Variants in PHLPP2 observed in about 807,000 individuals in gnomAD.
The protein encoded by PHLPP2 is PH domain and leucine rich repeat protein phosphatase 2, also known as PH domain leucine-rich repeat-containing protein phosphatase 2.
A neutral mutation model predicts 124.9 loss-of-function variants in PHLPP2; 66 were observed. The observed-to-expected ratio is 0.53, with a 90% CI of 0.43 to 0.65. PHLPP2 has a LOEUF of 0.65. Ranked by LOEUF, PHLPP2 falls within the 30% of genes least tolerant of loss-of-function variation. The probability of loss-of-function intolerance (pLI) is 0.00; values close to 1 mark genes in which losing one functional copy is unlikely to be tolerated. For missense variants in PHLPP2, 1,685 were observed against 1,600.4 expected, an observed-to-expected ratio of 1.05 and a Z score of -0.90; for synonymous variants, 681 against 624.7, an observed-to-expected ratio of 1.09 and a Z score of -1.34.
chr16:71,650,118 G>T, intron 18 of PHLPP2, 74 bp from the exon 19 acceptor site: 3 of 1,106,244 alleles, frequency 2.7e-6, no homozygotes, highest in Non-Finnish European at 3.9e-6. Flanking sequence ...AGATCACAGT[G>T]CTTAGGGAAC....
intron 1 of PHLPP2, among the ~76,000 whole-genome samples, chr16:71,722,443 G>GA (rs1567633131): frequency 6.6e-6 from 1 of 151,548 alleles, no homozygotes; most frequent in South Asian, 2.1e-4. Context: ...TAAATAAAAA[G>GA]AAAAAAAACT....
chr16:71,656,529 C>T, intron 16 of PHLPP2, 42 bp downstream of exon 16: 2 of 1,159,302 alleles, frequency 1.7e-6, no homozygotes, highest in Non-Finnish European at 2.6e-6. Flanking sequence ...ATGCCAGGGG[C>T]TGCCTTTTTT....
intron 15 of PHLPP2, among the ~76,000 whole-genome samples, chr16:71,657,653 C>T (rs1441953628): frequency 6.6e-6 from 1 of 152,112 alleles, no homozygotes; most frequent in Non-Finnish European, 1.5e-5. Context: ...CTTGGCCTCC[C>T]AAAGTGCTGG....
At chr16:71,653,060 G>GT (rs1567611612) in intron 17 of PHLPP2, 39 bp from the exon 18 acceptor site, 1 of 1,088,536 alleles carries the variant, frequency 9.2e-7, no homozygotes, top group Admixed American at 1.8e-5. Flanking sequence ...GTGGTGGCTA[G>GT]TTTTAGAAGA....
intron 18 of PHLPP2, among the ~76,000 whole-genome samples, chr16:71,651,783 C>T (rs1294762265): frequency 6.6e-6 from 1 of 152,088 alleles, no homozygotes; most frequent in Non-Finnish European, 1.5e-5. Flanking sequence ...AGAGCAAAGA[C>T]CATACAAAGG....
At position 71,658,692 on chromosome 16, in the gene PHLPP2, G is replaced by C. The variant is rs548051373; in HGVS notation, c.2109C>G (p.Ile703Met). Residue 703 changes from isoleucine (I) to methionine (M), a missense_variant, in exon 14 of 19, where the codon ATC becomes ATG. Physicochemically the swap from Ile to Met is conservative, Grantham distance 10 (BLOSUM62 1). Coordinates refer to ENST00000568954, the MANE Select transcript of PHLPP2 (RefSeq NM_015020.3). ...ACTGCAGTATTTCTGGGAAAATGCTGATGTTGTTGGAGTGTGCAACAAGGG... is the reference window on the plus strand; with the variant it reads ...ACTGCAGTATTTCTGGGAAAATGCTCATGTTGTTGGAGTGTGCAACAAGGG... The part of the protein sequence containing the change: ...LHTLVAHSNN[I>M]SIFPEILQLP... The C allele has an allele frequency of 6.2e-7, 1 of 1,614,066 alleles. No homozygotes were observed. Among genetic ancestry groups the C allele is most frequent in the Non-Finnish European group, 8.5e-7 (1 of 1,180,050 alleles).
intron 4 of PHLPP2, among the ~76,000 whole-genome samples, chr16:71,689,758 TC>T (rs2045090573): frequency 6.6e-6 from 1 of 152,048 alleles, no homozygotes; most frequent in Non-Finnish European, 1.5e-5. Flanking sequence ...CAAGTGATCC[TC>T]CCACCTCAGC....
chr16:71,722,167 C>CA (rs1472520923), intron 1 of PHLPP2, among the ~76,000 whole-genome samples: 1 of 152,136 alleles, frequency 6.6e-6, no homozygotes, highest in African/African-American at 2.4e-5. Context: ...CGTGGTGGCT[C>CA]ATCCTTGTAA....
intron 1 of PHLPP2, 111 bp from the exon 2 acceptor site, chr16:71,714,912 G>A (rs2045351073): frequency 5.2e-6 from 7 of 1,345,036 alleles, no homozygotes; most frequent in Non-Finnish European, 6.9e-6. Flanking sequence ...TTCTGCTCAA[G>A]TATCCCCTCC....
At chr16:71,720,711 A>G (rs2045393097) in intron 1 of PHLPP2, among the ~76,000 whole-genome samples, 1 of 152,068 alleles carries the variant, frequency 6.6e-6, no homozygotes, top group Non-Finnish European at 1.5e-5. Flanking sequence ...CTAAAAATAC[A>G]AAATTAGCCA....
intron 7 of PHLPP2, 38 bp from the exon 8 acceptor site, chr16:71,679,023 G>T: frequency 8.9e-7 from 1 of 1,125,352 alleles, no homozygotes; most frequent in South Asian, 1.3e-5. Context: ...CTTTATGAAA[G>T]GTTTCACTGG....
Position 71,652,824 on chromosome 16 carries a change from T to G in PHLPP2, c.2783A>C (p.Gln928Pro), listed in dbSNP as rs113822149. 1 of 1,614,158 alleles carries G rather than the reference T, an allele frequency of 6.2e-7. No homozygotes were observed. The highest frequency in any genetic ancestry group is 1.1e-5 in the South Asian group (1 of 91,088). The change falls in exon 18 of 19, where the codon CAA becomes CCA. Residue 928 changes from glutamine to proline, a missense_variant. Physicochemically the swap from Gln to Pro is moderately conservative, Grantham distance 76. Coordinates refer to ENST00000568954, the MANE Select transcript of PHLPP2 (RefSeq NM_015020.3). ...GATGGCTTTTTGGTCCTTCACCCTT[T>G]GAGCCTCCTCTGGGTCCTGCTCCAG... Reference protein sequence around the residue: ...FSLEQDPEEAQRVKDQKAIIT... With the variant: ...FSLEQDPEEAPRVKDQKAIIT...
chr16:71,657,170 T>G (rs181969485), intron 15 of PHLPP2, among the ~76,000 whole-genome samples: 1 of 152,112 alleles, frequency 6.6e-6, no homozygotes, highest in East Asian at 1.9e-4. Flanking sequence ...CTCGAACTCC[T>G]GACCTCAAGT....
rs756642820 is a variant in PHLPP2, at chr16:71,719,964, A to ATTTTTTTTTTTT, written c.-7+4353_-7+4364dup. On this transcript the variant is annotated intron_variant, in intron 1 of 18. Transcript: ENST00000568954. ...AGGTGCACAACACCATGCCCAGCTA[A>ATTTTTTTTTTTT]TTTTTTTTTTTTTTTTTTTTTTTTG... Among the ~76,000 whole-genome samples the ATTTTTTTTTTTT allele has an allele frequency of 2.9e-3, 154 of 53,240 alleles. 21 individuals carry two copies. Among genetic ancestry groups the ATTTTTTTTTTTT allele is most frequent in the African/African-American group, 0.011 (132 of 11,974 alleles). The allele number at this position is 53,240 out of a possible 152,430, so 34.9% of individuals were successfully genotyped here.
intron 7 of PHLPP2, 143 bp from the exon 8 acceptor site, chr16:71,679,128 A>T: frequency 1.6e-6 from 1 of 628,576 alleles, no homozygotes; most frequent in Non-Finnish European, 2.8e-6. Context: ...ATCTATGCAG[A>T]CTTAATAGAT....
chr16:71,651,859 C>A (rs1167360176), intron 18 of PHLPP2, among the ~76,000 whole-genome samples: 1 of 152,194 alleles, frequency 6.6e-6, no homozygotes, highest in South Asian at 2.1e-4. Flanking sequence ...AATATAGATA[C>A]AGAGCTTACA....
chr16:71,655,489 C>A, intron 16 of PHLPP2, 55 bp from the exon 17 acceptor site: 1 of 1,269,640 alleles, frequency 7.9e-7, no homozygotes, highest in Non-Finnish European at 1.1e-6. Flanking sequence ...AAATATTATT[C>A]TCCAGGGAGC....
chr16:71,669,163 G>A (rs936217787), intron 11 of PHLPP2, 112 bp downstream of exon 11: 25 of 658,406 alleles, frequency 3.8e-5, no homozygotes, highest in African/African-American at 3.7e-4. Flanking sequence ...ATGCTCAGCA[G>A]GTACTCAACA....
At chr16:71,654,858 C>T (rs747640596) in intron 17 of PHLPP2, among the ~76,000 whole-genome samples, 5 of 152,212 alleles carry the variant, frequency 3.3e-5, no homozygotes, top group East Asian at 1.9e-4. Context: ...GCATTCTAAA[C>T]GTTATCAATC....
Sources: gnomAD v4.1 joint callset for allele counts (sites outside exome capture counted in the v4.1 genomes callset) on GRCh38, gnomAD v4.1.1 for gene constraint, MANE v1.5 for transcripts, NCBI Gene and HGNC (gene_info 2026-07-23, HGNC 2026-07-21) for gene names.